TBPL1: variants seen among roughly 807,000 people sequenced by gnomAD.
The protein encoded by TBPL1 is TATA box-binding protein-like 1.
TBPL1 carries 4 observed loss-of-function variants against 22.1 expected under a neutral mutation model. That is an observed-to-expected ratio of 0.18 (90% CI 0.09 to 0.41). The LOEUF is 0.41. Ranked by LOEUF, TBPL1 falls within the 10% of genes least tolerant of loss-of-function variation. The probability of loss-of-function intolerance (pLI) is 1.00; values close to 1 mark genes in which losing one functional copy is unlikely to be tolerated. For synonymous variants in TBPL1, 64 were observed against 71.0 expected (o/e 0.90, Z 0.50); for missense variants, 115 against 222.3 (o/e 0.52, Z 3.07).
At chr6:133,974,443 C>G (rs1210739529) in intron 1 of TBPL1, among the ~76,000 whole-genome samples, 1 of 152,212 alleles carries the variant, frequency 6.6e-6, no homozygotes, top group African/African-American at 2.4e-5. Flanking sequence ...AAGCAATTCT[C>G]CTTCCTCAGC....
At chr6:133,985,297 A>AAAAAAAAAAAT (rs1449435525) in intron 6 of TBPL1, among the ~76,000 whole-genome samples, 1 of 42,918 alleles carries the variant, frequency 2.3e-5, no homozygotes, top group African/African-American at 1.1e-4. Flanking sequence ...AAAAAAAAAA[A>AAAAAAAAAAAT]ATATATATAT....
At chr6:133,964,302 T>TA (rs1776079773) in intron 1 of TBPL1, among the ~76,000 whole-genome samples, 1 of 152,192 alleles carries the variant, frequency 6.6e-6, no homozygotes, top group Non-Finnish European at 1.5e-5. Context: ...AAGCTCTGAG[T>TA]AAAATAAGAA....
chr6:133,967,398 G>A (rs973975194), intron 1 of TBPL1, among the ~76,000 whole-genome samples: 3 of 152,194 alleles, frequency 2.0e-5, no homozygotes, highest in Admixed American at 6.5e-5. Context: ...AGAAATCTTA[G>A]AAGGAAAATG....
chr6:133,954,952 G>C (rs1474531931), intron 1 of TBPL1, among the ~76,000 whole-genome samples: 1 of 152,182 alleles, frequency 6.6e-6, no homozygotes, highest in African/African-American at 2.4e-5. Context: ...TTGAGGTCCA[G>C]TGTCTGTTAA....
Position 133,982,823 on chromosome 6 carries a change from A to C in TBPL1, c.225A>C (p.Glu75Asp). The C allele has an allele frequency of 1.9e-6, 3 of 1,611,188 alleles. No homozygotes were observed. The highest frequency in any genetic ancestry group is 2.5e-6 in the Non-Finnish European group (3 of 1,179,298). The change falls in exon 4 of 7, where the codon GAA (glutamate) becomes GAC (aspartate). Residue 75 changes from glutamate to aspartate, a missense_variant. Glu to Asp is a conservative substitution (Grantham distance 45, BLOSUM62 2). Coordinates refer to ENST00000237264, the MANE Select transcript of TBPL1 (RefSeq NM_004865.4). Reference sequence around the variant, plus strand: ...TCTTTCCTTAAAACCGTAGTGAAGAAGAAGCTAAATTTGGTGCCAGACGCT... The same window carrying C: ...TCTTTCCTTAAAACCGTAGTGAAGACGAAGCTAAATTTGGTGCCAGACGCT... ...KIICTGATSEEEAKFGARRLA... is the reference protein window; with the variant it reads ...KIICTGATSEDEAKFGARRLA...
chr6:133,961,492 G>A (rs1421794461), intron 1 of TBPL1, among the ~76,000 whole-genome samples: 33 of 138,584 alleles, frequency 2.4e-4, no homozygotes, highest in African/African-American at 4.9e-4. Flanking sequence ...TTTTTGAGAC[G>A]GAGTCGTGCT....
At chr6:133,972,025 T>C (rs919133318) in intron 1 of TBPL1, among the ~76,000 whole-genome samples, 3 of 152,222 alleles carry the variant, frequency 2.0e-5, no homozygotes, top group Non-Finnish European at 4.4e-5. Context: ...ATAACTACTA[T>C]ACAAGTCTGT....
chr6:133,974,515 G>A (rs1328828511), intron 1 of TBPL1, among the ~76,000 whole-genome samples: 1 of 152,162 alleles, frequency 6.6e-6, no homozygotes, highest in Non-Finnish European at 1.5e-5. Context: ...TGTATTTTTA[G>A]ACGGGGTTTC....
rs1776556031 is a variant in TBPL1, at chr6:133,987,649, T to TGTGTAC, written c.*609_*610insGTGTAC. The TGTGTAC allele has an allele frequency of 7.4e-6, 1 of 134,436 alleles. No individual in the cohort carries two copies. Among genetic ancestry groups the TGTGTAC allele is most frequent in the African/African-American group, 3.1e-5 (1 of 31,962 alleles). 8.3% of individuals were successfully genotyped at this position (134,436 alleles called of 1,614,324 possible). On this transcript the variant is annotated 3_prime_UTR_variant, in exon 7 of 7. Transcript: ENST00000237264. ...TTGTGTGTGTGTGTGTGTGTGTGTG[T>TGTGTAC]ATATATATATATATATATGCACCAC...
At chr6:133,963,395 T>G (rs549443430) in intron 1 of TBPL1, among the ~76,000 whole-genome samples, 18 of 152,186 alleles carry the variant, frequency 1.2e-4, no homozygotes, top group African/African-American at 4.3e-4. Context: ...ATCTTCATAG[T>G]TATTATCTTG....
At chr6:133,978,632 G>T (rs535438371) in intron 1 of TBPL1, among the ~76,000 whole-genome samples, 1 of 152,302 alleles carries the variant, frequency 6.6e-6, no homozygotes, top group East Asian at 1.9e-4. Context: ...TACACAGATT[G>T]AGGGGAATAT....
At position 133,989,607 on chromosome 6, in the gene TBPL1, T is replaced by A. The variant is rs947048701; in HGVS notation, c.*2567T>A. 5 of 152,142 alleles carry A rather than the reference T, an allele frequency of 3.3e-5. No homozygotes were observed. The highest frequency in any genetic ancestry group is 7.4e-5 in the Non-Finnish European group (5 of 68,018). The allele number at this position is 152,142 out of a possible 1,614,324, so 9.4% of individuals were successfully genotyped here. ...ACCATGATAGAATTGAGATCTCCAA[T>A]CTCCTTTCCTTTTAGCTTCCCCCTG... On this transcript the variant is annotated 3_prime_UTR_variant, in exon 7 of 7. Transcript: ENST00000237264.
intron 3 of TBPL1, 71 bp downstream of exon 3, chr6:133,982,721 T>C: frequency 6.3e-7 from 1 of 1,587,410 alleles, no homozygotes; most frequent in Non-Finnish European, 8.6e-7. Flanking sequence ...TTTCCTAGAC[T>C]TAACAGCAAA....
intron 1 of TBPL1, among the ~76,000 whole-genome samples, chr6:133,964,870 G>A (rs763475536): frequency 6.6e-6 from 1 of 152,050 alleles, no homozygotes; most frequent in Admixed American, 6.5e-5. Flanking sequence ...TTATATGAGG[G>A]GTAACTCTAT....
intron 1 of TBPL1, among the ~76,000 whole-genome samples, chr6:133,963,876 A>C (rs182208345): frequency 0.043 from 6,182 of 143,184 alleles, 151 homozygotes; most frequent in Non-Finnish European, 0.062. Context: ...TAAAAATACA[A>C]AAAAAAAAAA....
chr6:133,986,448 G>C (rs1034495151), intron 6 of TBPL1, among the ~76,000 whole-genome samples: 3 of 152,134 alleles, frequency 2.0e-5, no homozygotes, highest in Non-Finnish European at 4.4e-5. Flanking sequence ...AGGGTGAAAT[G>C]ACCAGATTGG....
intron 1 of TBPL1, among the ~76,000 whole-genome samples, chr6:133,957,593 G>C (rs1775948897): frequency 6.6e-6 from 1 of 152,208 alleles, no homozygotes; most frequent in Non-Finnish European, 1.5e-5. Flanking sequence ...GAAGAGTTTT[G>C]ATCAGAATCA....
At position 133,970,336 on chromosome 6, in the gene TBPL1, A is replaced by C. The variant is rs187048162; in HGVS notation, c.-44-9746A>C. Among the ~76,000 whole-genome samples, 3 of 152,260 alleles carry C rather than the reference A, an allele frequency of 2.0e-5. No individual in the cohort carries two copies. In the East Asian group the frequency reaches 5.8e-4, roughly 29 times the overall value. On this transcript the variant is annotated intron_variant, in intron 1 of 6. Transcript: ENST00000237264. ...AGTATCTTTAAATAATAATTTGATA[A>C]ATTCTGGATACTGTAGATATTTCAA...
At chr6:133,957,228 T>G (rs967168827) in intron 1 of TBPL1, among the ~76,000 whole-genome samples, 1 of 152,024 alleles carries the variant, frequency 6.6e-6, no homozygotes, top group African/African-American at 2.4e-5. Flanking sequence ...TGTGTGGGAG[T>G]CAATAATGAA....
Sources: gnomAD v4.1 joint callset for allele counts (sites outside exome capture counted in the v4.1 genomes callset) on GRCh38, gnomAD v4.1.1 for gene constraint, MANE v1.5 for transcripts, NCBI Gene and HGNC (gene_info 2026-07-23, HGNC 2026-07-21) for gene names.